The following BRD4 variants were observed in gnomAD, a reference collection of about 807,000 sequenced individuals.
BRD4 encodes bromodomain-containing protein 4.
BRD4 carries 16 observed loss-of-function variants against 142.1 expected under a neutral mutation model. The observed-to-expected ratio is 0.11, with a 90% CI of 0.08 to 0.17. The LOEUF (loss-of-function observed/expected upper bound fraction) is 0.17, where lower values mean the gene tolerates loss of function less well. Ranked by LOEUF, BRD4 falls within the 10% of genes least tolerant of loss-of-function variation. The pLI is 1.00. For synonymous variants in BRD4, 833 were observed against 707.5 expected, an observed-to-expected ratio of 1.18 and a Z score of -2.82; for missense variants, 1,424 against 1,810.9, an observed-to-expected ratio of 0.79 and a Z score of 3.88.
chr19:15,267,740 C>T (rs1360579917), intron 3 of BRD4, among the ~76,000 whole-genome samples, 189 bp from the exon 4 acceptor site: 2 of 152,180 alleles, frequency 1.3e-5, no homozygotes, highest in Non-Finnish European at 2.9e-5. Flanking sequence ...TGTGTTCCCA[C>T]AGGTGTGCTG....
rs1038500798 is a variant in BRD4 at position 15,237,444 on chromosome 19, G to C, written c.*933C>G. ...GAGTCACCAACAAACTTCAAACAAA[G>C]ATATGCCAACTATGTTCACTATACA... On this transcript the variant is annotated 3_prime_UTR_variant, in exon 20 of 20. Coordinates refer to ENST00000679869, the MANE Select transcript of BRD4 (RefSeq NM_001379291.1). 4.5e-6 allele frequency: 1 copy of C among 224,702 alleles called. No individual in the cohort carries two copies. Among genetic ancestry groups the C allele is most frequent in the Non-Finnish European group, 8.8e-6 (1 of 112,996 alleles). 13.9% of individuals were successfully genotyped at this position (224,702 alleles called of 1,614,324 possible).
At position 15,239,882 on chromosome 19, in the gene BRD4, A is replaced by G. The variant is rs2145502713; in HGVS notation, c.3282+28T>C. On this transcript the variant is annotated intron_variant, in intron 15 of 19. Transcript: ENST00000679869. The surrounding 1 kb of genome is among the most constrained non-coding windows in gnomAD (Gnocchi z 7.4). ...GCAGGCACCCCCGGCCCTAGCCCAC[A>G]GGACTATGGCCCAGCCCTGCCAGTT... The G allele has an allele frequency of 6.2e-7, 1 of 1,614,042 alleles. No homozygotes were observed. The highest frequency in any genetic ancestry group is 8.5e-7 in the Non-Finnish European group (1 of 1,180,012).
intron 7 of BRD4, among the ~76,000 whole-genome samples, chr19:15,260,713 G>A (rs1231893666): frequency 1.3e-5 from 2 of 151,166 alleles, no homozygotes; most frequent in Non-Finnish European, 2.9e-5. Context: ...TACTGCTGCA[G>A]TGTCTGTGGT....
chr19:15,244,573 G>C lies in BRD4; in HGVS notation c.2239C>G (p.Gln747Glu), dbSNP rs1373040209. ...TGGGGCACAGGAGCCGGGGCCTGCT[G>C]CATCTGCTGATGGTGGTGATGATGG... Reference protein sequence around the residue: ...KHHHHHHQQMQQAPAPVPQQP... With the variant: ...KHHHHHHQQMEQAPAPVPQQP... Residue 747 changes from glutamine (Q) to glutamate (E), a missense_variant, in exon 13 of 20, where the codon CAG becomes GAG. Physicochemically the swap from Gln to Glu is conservative, Grantham distance 29. This residue lies in a region of BRD4 where 598 missense variants were observed against 647.8 expected (regional missense o/e 0.92). Transcript: ENST00000679869. 2 of 1,608,130 alleles carry C rather than the reference G, an allele frequency of 1.2e-6. No individual in the cohort carries two copies. Among genetic ancestry groups the C allele is most frequent in the Non-Finnish European group, 8.5e-7 (1 of 1,179,788 alleles).
chr19:15,282,438 T>G (rs556905285), intron 1 of BRD4, among the ~76,000 whole-genome samples: 1 of 152,274 alleles, frequency 6.6e-6, no homozygotes, highest in East Asian at 1.9e-4. Flanking sequence ...CAACACCTAC[T>G]TACACTGAAA....
chr19:15,267,092 T>C (rs530418317), intron 4 of BRD4, among the ~76,000 whole-genome samples: 2 of 152,278 alleles, frequency 1.3e-5, no homozygotes, highest in Admixed American at 1.3e-4. Context: ...AATGGAAAAG[T>C]AAAAACCACC....
At chr19:15,261,302 G>A (rs189000723) in intron 7 of BRD4, among the ~76,000 whole-genome samples, 23 of 150,834 alleles carry the variant, frequency 1.5e-4, no homozygotes, top group East Asian at 1.4e-3. Flanking sequence ...CTGACCAATC[G>A]GCAAAACCCC....
chr19:15,324,282 T>G (rs1485879097), intron 1 of BRD4, among the ~76,000 whole-genome samples: 1 of 152,220 alleles, frequency 6.6e-6, no homozygotes, highest in African/African-American at 2.4e-5. Context: ...TCAAATTTAT[T>G]CACATTCTCT....
chr19:15,280,527 C>T (rs1269767157), intron 1 of BRD4: 5 of 838,978 alleles, frequency 6.0e-6, no homozygotes, highest in Middle Eastern at 5.9e-4. Flanking sequence ...GAGATATATC[C>T]CGTGTCATAG....
intron 11 of BRD4, 36 bp downstream of exon 11, chr19:15,254,116 A>T (rs1218925810): frequency 1.9e-6 from 3 of 1,562,440 alleles, no homozygotes; most frequent in Non-Finnish European, 2.6e-6. Context: ...AGGTGGGAAG[A>T]GTTTGGTAAG....
At position 15,239,181 on chromosome 19, in the gene BRD4, G is replaced by A. The variant is rs373150587; in HGVS notation, c.3660C>T (p.Ser1220=). ...PTTPSSTAKS[S]SDSFEQFRRA... is the part of the protein sequence containing the mutation. ...GGCGGAACTGCTCGAAGCTGTCGCT[G>A]GATGACTTGGCTGTGGAGGAGGGGG... The change falls in exon 18 of 20, where the codon TCC becomes TCT. Residue 1220 remains serine (S), a synonymous_variant. Transcript: ENST00000679869. The surrounding 1 kb of genome is among the most constrained non-coding windows in gnomAD (Gnocchi z 7.4). 7 of 1,613,076 alleles carry A rather than the reference G, an allele frequency of 4.3e-6. No homozygotes were observed. The highest frequency in any genetic ancestry group is 5.9e-6 in the Non-Finnish European group (7 of 1,180,036).
intron 11 of BRD4, chr19:15,253,377 C>T: frequency 1.6e-6 from 1 of 622,280 alleles, no homozygotes; most frequent in South Asian, 2.0e-5. Context: ...TCCACTCCCA[C>T]CTGGCACCCA....
chr19:15,318,582 G>C (rs1022473111), intron 1 of BRD4, among the ~76,000 whole-genome samples: 1 of 152,188 alleles, frequency 6.6e-6, no homozygotes, highest in African/African-American at 2.4e-5. Context: ...GCATGCGTAA[G>C]CAAATGTCCC....
Position 15,269,049 on chromosome 19 carries a change from A to G in BRD4, c.286-7T>C. On this transcript the variant is annotated splice_region_variant and splice_polypyrimidine_tract_variant and intron_variant, in intron 2 of 19. Coordinates refer to ENST00000679869, the MANE Select transcript of BRD4 (RefSeq NM_001379291.1). ...TAATGATCTTATAGTAATCCTGGAGAGCAGAGAGCAAAAGTCCAGTGTCAC... is the reference window on the plus strand; with the variant it reads ...TAATGATCTTATAGTAATCCTGGAGGGCAGAGAGCAAAAGTCCAGTGTCAC... 2 of 1,613,674 alleles carry G rather than the reference A, an allele frequency of 1.2e-6. No homozygotes were observed. Among genetic ancestry groups the G allele is most frequent in the South Asian group, 1.1e-5 (1 of 91,038 alleles).
intron 1 of BRD4, among the ~76,000 whole-genome samples, chr19:15,290,666 C>G (rs771187485): frequency 6.6e-6 from 1 of 152,160 alleles, no homozygotes; most frequent in African/African-American, 2.4e-5. Flanking sequence ...TCTGGCCAGG[C>G]TGGGACTCTG....
rs569178520 is a variant in BRD4 at position 15,267,320 on chromosome 19, G to A, written c.559+96C>T. On this transcript the variant is annotated intron_variant, in intron 4 of 19. Transcript: ENST00000679869. ...ACCAACACGGCATGCAGTATATAAT[G>A]TCACATCCTCCTGCCACTCCCAGCC... is the stretch of plus-strand genomic sequence containing the variant. 481 of 1,467,870 alleles carry A rather than the reference G, an allele frequency of 3.3e-4. 4 individuals are homozygous for A. The South Asian group carries it at 5.6e-3, about 17-fold the overall frequency. 90.9% of individuals were successfully genotyped at this position (1,467,870 alleles called of 1,614,324 possible). A position where few individuals can be genotyped will look rare whatever the true frequency, so the allele number is the denominator to read the frequency against.
Position 15,237,340 on chromosome 19 carries a change from A to G in BRD4, c.*1037T>C, listed in dbSNP as rs967758076. 4.6e-6 allele frequency: 1 copy of G among 217,826 alleles called. No homozygotes were observed. The highest frequency in any genetic ancestry group is 2.3e-5 in the African/African-American group (1 of 44,052). The allele number at this position is 217,826 out of a possible 1,614,324, so 13.5% of individuals were successfully genotyped here. On this transcript the variant is annotated 3_prime_UTR_variant, in exon 20 of 20. Transcript: ENST00000679869. ...AATAAAGTTTGAAACTGAGTAAAATATAGGCAGGATTTTTTTTGTGTGTTT... is the reference window on the plus strand; with the variant it reads ...AATAAAGTTTGAAACTGAGTAAAATGTAGGCAGGATTTTTTTTGTGTGTTT...
intron 11 of BRD4, among the ~76,000 whole-genome samples, chr19:15,245,174 A>G (rs542646514): frequency 1.3e-5 from 2 of 152,104 alleles, no homozygotes. Flanking sequence ...TTCATCTTAC[A>G]GCTGAGAAAA....
In BRD4 at chr19:15,236,239, T is replaced by G. The variant is rs1048262144; in HGVS notation, c.*2138A>C. 1 of 152,250 alleles carries G rather than the reference T, an allele frequency of 6.6e-6. No homozygotes were observed. The highest frequency in any genetic ancestry group is 2.4e-5 in the African/African-American group (1 of 41,462). The allele number at this position is 152,250 out of a possible 1,614,324, so 9.4% of individuals were successfully genotyped here. A position where few individuals can be genotyped will look rare whatever the true frequency, so the allele number is the denominator to read the frequency against. On this transcript the variant is annotated 3_prime_UTR_variant, in exon 20 of 20. Coordinates refer to ENST00000679869, the MANE Select transcript of BRD4 (RefSeq NM_001379291.1). The stretch of plus-strand genomic sequence containing the variant: ...ACATATAAATTATATACTTGTATCT[T>G]ACATCTTAGGGGCTCTTCTTGGGCG...
Sources: allele counts gnomAD v4.1 joint callset (sites outside exome capture counted in the v4.1 genomes callset), GRCh38; gene constraint gnomAD v4.1.1; regional missense constraint gnomAD v4.1.1; non-coding constraint Gnocchi (gnomAD v3.1); transcripts MANE v1.5; gene names NCBI Gene and HGNC (gene_info 2026-07-23, HGNC 2026-07-21).